Variants in RPTOR observed in about 807,000 individuals in gnomAD.
RPTOR encodes the protein regulatory-associated protein of mTOR.
A neutral mutation model predicts 169.9 loss-of-function variants in RPTOR; 21 were observed. The ratio of observed to expected loss-of-function variants is 0.12; its 90% CI spans 0.09 to 0.18. RPTOR has a LOEUF of 0.18. Ranked by LOEUF, RPTOR falls within the 10% of genes least tolerant of loss-of-function variation. The pLI is 1.00. For synonymous variants in RPTOR, 732 were observed against 753.2 expected, an observed-to-expected ratio of 0.97 and a Z score of 0.46; for missense variants, 1,133 against 1,855.9, an observed-to-expected ratio of 0.61 and a Z score of 7.16.
intron 3 of RPTOR, among the ~76,000 whole-genome samples, chr17:80,693,010 T>C (rs1183265471): frequency 2.0e-5 from 3 of 152,248 alleles, no homozygotes; most frequent in Non-Finnish European, 4.4e-5. Flanking sequence ...CACAGTGTTT[T>C]CTCTTTAGGG....
intron 1 of RPTOR, among the ~76,000 whole-genome samples, chr17:80,560,100 A>G (rs1256219245): frequency 1.3e-5 from 2 of 152,196 alleles, no homozygotes; most frequent in African/African-American, 4.8e-5. Flanking sequence ...ATCCTTACCC[A>G]CAGCTGAGTG....
At chr17:80,808,588 G>T (rs1021446324) in intron 7 of RPTOR, among the ~76,000 whole-genome samples, 6 of 152,182 alleles carry the variant, frequency 3.9e-5, no homozygotes, top group African/African-American at 1.2e-4. Context: ...CTGTACAACT[G>T]ATGAGTTTGA....
At chr17:80,553,630 G>A (rs1057096222) in intron 1 of RPTOR, among the ~76,000 whole-genome samples, 1 of 152,172 alleles carries the variant, frequency 6.6e-6, no homozygotes, top group Non-Finnish European at 1.5e-5. Flanking sequence ...AATATTTCCA[G>A]ATGACCAATC....
intron 6 of RPTOR, among the ~76,000 whole-genome samples, chr17:80,757,612 T>C (rs1329655566): frequency 6.6e-6 from 1 of 152,210 alleles, no homozygotes; most frequent in African/African-American, 2.4e-5. Context: ...TGATATATCA[T>C]AGTTGTCCAT....
At chr17:80,961,094 C>T (rs556367136) in intron 30 of RPTOR, 92 of 420,566 alleles carry the variant, frequency 2.2e-4, no homozygotes, top group Admixed American at 4.8e-4. Flanking sequence ...CTGCGATGGC[C>T]GCCTGGCCCC....
chr17:80,902,489 C>T (rs1208839622), intron 20 of RPTOR, among the ~76,000 whole-genome samples: 1 of 152,262 alleles, frequency 6.6e-6, no homozygotes, highest in Non-Finnish European at 1.5e-5. Context: ...TACATCAAAG[C>T]ATGATGTCGC....
intron 24 of RPTOR, among the ~76,000 whole-genome samples, chr17:80,926,808 G>T (rs541978322): frequency 6.6e-6 from 1 of 152,318 alleles, no homozygotes; most frequent in Admixed American, 6.5e-5. Context: ...CGCAAATGGC[G>T]CCACCCACGA....
chr17:80,905,641 T>TCA (rs1250886526), intron 20 of RPTOR, among the ~76,000 whole-genome samples: 3 of 150,054 alleles, frequency 2.0e-5, no homozygotes, highest in African/African-American at 7.4e-5. Flanking sequence ...CTAATACATC[T>TCA]CACACACACC....
intron 24 of RPTOR, among the ~76,000 whole-genome samples, chr17:80,930,429 C>CCTCAGCTCATCCTCAGCTCATT (rs1567993853): frequency 0.13 from 280 of 2,114 alleles, no homozygotes; most frequent in Admixed American, 0.17. Flanking sequence ...CTCAGCTCAT[C>CCTCAGCTCATCCTCAGCTCATT]CTCATCCCCA....
At chr17:80,733,071 A>T (rs1372099194) in intron 5 of RPTOR, among the ~76,000 whole-genome samples, 2 of 152,218 alleles carry the variant, frequency 1.3e-5, no homozygotes, top group African/African-American at 4.8e-5. Flanking sequence ...AAATTTTAAG[A>T]GATGGTGATC....
intron 1 of RPTOR, among the ~76,000 whole-genome samples, chr17:80,619,636 T>C (rs938087052): frequency 6.6e-6 from 1 of 152,164 alleles, no homozygotes; most frequent in Non-Finnish European, 1.5e-5. Context: ...GCTCATTTGG[T>C]GGCAACGCTT....
chr17:80,787,760 C>T (rs534028506), intron 6 of RPTOR, among the ~76,000 whole-genome samples: 5 of 152,242 alleles, frequency 3.3e-5, no homozygotes, highest in South Asian at 4.2e-4. Context: ...TCTCTCATAT[C>T]GCATGATGTT....
At chr17:80,585,654 T>A (rs1224667609) in intron 1 of RPTOR, among the ~76,000 whole-genome samples, 2 of 152,234 alleles carry the variant, frequency 1.3e-5, no homozygotes, top group Non-Finnish European at 2.9e-5. Flanking sequence ...CTCAGGCTTA[T>A]GTGCCTTAAG....
chr17:80,573,032 T>C (rs570506202), intron 1 of RPTOR, among the ~76,000 whole-genome samples: 9 of 152,352 alleles, frequency 5.9e-5, no homozygotes, highest in African/African-American at 1.9e-4. Flanking sequence ...GTTGTCTTAG[T>C]AGATTTTTGT....
intron 6 of RPTOR, among the ~76,000 whole-genome samples, chr17:80,779,459 C>T (rs1017211336): frequency 6.6e-6 from 1 of 152,192 alleles, no homozygotes; most frequent in Admixed American, 6.5e-5. Context: ...GTGCGGATCT[C>T]CTCATGCTTC....
chr17:80,753,973 A>G lies in RPTOR; in HGVS notation c.655-37A>G, dbSNP rs1038318599. 4 of 1,581,908 alleles carry G rather than the reference A, an allele frequency of 2.5e-6. No individual in the cohort carries two copies. In the African/African-American group the frequency reaches 4.0e-5, roughly 16 times the overall value. On this transcript the variant is annotated intron_variant, in intron 5 of 33. Coordinates refer to ENST00000306801, the MANE Select transcript of RPTOR (RefSeq NM_020761.3). ...ACTATTTGGTTGTGACCAGCAGCTA[A>G]ATCACACTCTCTTTTCCCGAATGTT...
intron 14 of RPTOR, among the ~76,000 whole-genome samples, chr17:80,882,411 A>G (rs1181152341): frequency 2.0e-5 from 3 of 152,280 alleles, no homozygotes; most frequent in Admixed American, 2.0e-4. Flanking sequence ...AAAAGTCCCC[A>G]GAACAAACGT....
At chr17:80,921,632 G>A (rs1414282606) in intron 21 of RPTOR, among the ~76,000 whole-genome samples, 1 of 152,226 alleles carries the variant, frequency 6.6e-6, no homozygotes, top group Non-Finnish European at 1.5e-5. Flanking sequence ...GGCTCAAGCT[G>A]GTACAAATCT....
chr17:80,744,083 G>T (rs75181732), intron 5 of RPTOR, among the ~76,000 whole-genome samples: 721 of 1,486 alleles, frequency 0.49, 126 homozygotes, highest in Middle Eastern at 1. Context: ...TCCTGGTTAC[G>T]AGCACAGCCC....
Sources: allele counts gnomAD v4.1 joint callset (sites outside exome capture counted in the v4.1 genomes callset), GRCh38; gene constraint gnomAD v4.1.1; transcripts MANE v1.5; gene names NCBI Gene and HGNC (gene_info 2026-07-23, HGNC 2026-07-21).